The following SLC16A7 variants were observed in gnomAD, a reference collection of about 807,000 sequenced individuals.
SLC16A7 encodes the protein monocarboxylate transporter 2.
In SLC16A7, 33 loss-of-function variants were observed where a neutral mutation model predicts 34.9. That is an observed-to-expected ratio of 0.94 (90% CI 0.72 to 1.26). The LOEUF (loss-of-function observed/expected upper bound fraction) is 1.26. SLC16A7 is among the 50% of genes most tolerant of loss of function. The pLI, the probability that SLC16A7 is intolerant of heterozygous loss-of-function variation, is 0.00. For synonymous variants in SLC16A7, 201 were observed against 206.6 expected, an observed-to-expected ratio of 0.97 and a Z score of 0.23; for missense variants, 573 against 578.1, an observed-to-expected ratio of 0.99 and a Z score of 0.09.
chr12:59,709,610 G>C (rs575128283), intron 3 of SLC16A7, among the ~76,000 whole-genome samples: 1 of 151,696 alleles, frequency 6.6e-6, no homozygotes, highest in South Asian at 2.1e-4. Context: ...TTCCATTCCT[G>C]TGTTTGAGAT....
Position 59,782,467 on chromosome 12 carries a change from T to C in SLC16A7, c.*2788T>C, listed in dbSNP as rs565849263. On this transcript the variant is annotated 3_prime_UTR_variant, in exon 6 of 6. Transcript: ENST00000547379. ...CTGCAACAATTAGTATGAACATATTTCTTTCTCTAGGGAATAATAGGTTTT... is the reference window on the plus strand; with the variant it reads ...CTGCAACAATTAGTATGAACATATTCCTTTCTCTAGGGAATAATAGGTTTT... 6.6e-5 allele frequency: 10 copies of C among 152,346 alleles called. No individual in the cohort carries two copies. The highest frequency in any genetic ancestry group is 2.4e-4 in the African/African-American group (10 of 41,586). 9.4% of individuals were successfully genotyped at this position (152,346 alleles called of 1,614,324 possible).
chr12:59,675,245 A>G (rs1036608629), intron 2 of SLC16A7, among the ~76,000 whole-genome samples: 24 of 152,198 alleles, frequency 1.6e-4, no homozygotes, highest in Non-Finnish European at 5.9e-5. Context: ...TATGGGCTGA[A>G]TCTTTGTGTA....
chr12:59,680,457 A>C (rs2137071732), intron 2 of SLC16A7, among the ~76,000 whole-genome samples: 1 of 152,364 alleles, frequency 6.6e-6, no homozygotes, highest in East Asian at 1.9e-4. Flanking sequence ...GGAGGCAGAT[A>C]GGAGAGAAGG....
intron 3 of SLC16A7, among the ~76,000 whole-genome samples, chr12:59,753,846 A>G (rs1592646684): frequency 6.6e-6 from 1 of 152,192 alleles, no homozygotes; most frequent in South Asian, 2.1e-4. Context: ...AATTGACCAC[A>G]TACTTGGAAG....
chr12:59,645,029 T>C (rs1880847447), intron 1 of SLC16A7, among the ~76,000 whole-genome samples: 1 of 152,216 alleles, frequency 6.6e-6, no homozygotes, highest in Non-Finnish European at 1.5e-5. Context: ...TTGTTTTTCC[T>C]GGAGTTTCCT....
At chr12:59,669,474 G>C (rs1233396296) in intron 2 of SLC16A7, among the ~76,000 whole-genome samples, 1 of 152,094 alleles carries the variant, frequency 6.6e-6, no homozygotes, top group Non-Finnish European at 1.5e-5. Flanking sequence ...TAATAACTAA[G>C]TGCTGGTCTA....
At chr12:59,685,618 T>TA (rs1472705360) in intron 2 of SLC16A7, among the ~76,000 whole-genome samples, 1 of 152,164 alleles carries the variant, frequency 6.6e-6, no homozygotes, top group African/African-American at 2.4e-5. Flanking sequence ...TCCCACCTGC[T>TA]AGTCGTATAG....
intron 1 of SLC16A7, among the ~76,000 whole-genome samples, chr12:59,635,369 A>G (rs1055442104): frequency 6.6e-6 from 1 of 152,110 alleles, no homozygotes; most frequent in African/African-American, 2.4e-5. Context: ...TCCATTGGAA[A>G]TCTGGCTGAA....
chr12:59,761,890 T>C (rs911683734), intron 3 of SLC16A7, among the ~76,000 whole-genome samples: 5 of 152,084 alleles, frequency 3.3e-5, no homozygotes, highest in African/African-American at 9.7e-5. Flanking sequence ...CATTACAATA[T>C]TTACTAAAAG....
intron 1 of SLC16A7, among the ~76,000 whole-genome samples, chr12:59,640,527 G>A (rs17122765): frequency 0.28 from 43,195 of 151,654 alleles, 7,730 homozygotes; most frequent in East Asian, 0.66. Context: ...TTCTGAAAAA[G>A]AAAGTAGTGC....
At chr12:59,611,410 A>C (rs768807837) in intron 1 of SLC16A7, among the ~76,000 whole-genome samples, 16 of 152,228 alleles carry the variant, frequency 1.1e-4, no homozygotes, top group Non-Finnish European at 1.6e-4. Context: ...TAACTGCTTC[A>C]TGATTTAATT....
At chr12:59,741,860 G>A (rs1394537588) in intron 3 of SLC16A7, among the ~76,000 whole-genome samples, 1 of 152,158 alleles carries the variant, frequency 6.6e-6, no homozygotes, top group Non-Finnish European at 1.5e-5. Flanking sequence ...ATCCATCTGG[G>A]TCTGCAGCAA....
intron 3 of SLC16A7, among the ~76,000 whole-genome samples, chr12:59,751,052 G>A (rs1309075348): frequency 1.3e-5 from 2 of 150,676 alleles, no homozygotes; most frequent in African/African-American, 4.9e-5. Context: ...CACACACTGA[G>A]GCCTGTCGGG....
chr12:59,746,940 C>T (rs767930336), intron 3 of SLC16A7, among the ~76,000 whole-genome samples: 45 of 152,214 alleles, frequency 3.0e-4, no homozygotes, highest in Middle Eastern at 6.8e-3. Flanking sequence ...TCAGGCAATC[C>T]TCCTGCCTCA....
At chr12:59,691,624 C>G (rs886700528) in intron 2 of SLC16A7, among the ~76,000 whole-genome samples, 3 of 151,972 alleles carry the variant, frequency 2.0e-5, no homozygotes, top group Non-Finnish European at 2.9e-5. Flanking sequence ...TTTTCTCAAC[C>G]TAAGTAGTCT....
chr12:59,702,088 T>C (rs1168399876), intron 2 of SLC16A7, among the ~76,000 whole-genome samples: 11 of 151,860 alleles, frequency 7.2e-5, no homozygotes, highest in Admixed American at 7.2e-4. Flanking sequence ...TTTCTTTTTT[T>C]AATTTTCAAG....
intron 1 of SLC16A7, among the ~76,000 whole-genome samples, chr12:59,624,523 T>A (rs1457587020): frequency 1.3e-5 from 2 of 151,814 alleles, no homozygotes; most frequent in Non-Finnish European, 2.9e-5. Flanking sequence ...GAATTCCTAG[T>A]TGAGAAAGTT....
intron 3 of SLC16A7, among the ~76,000 whole-genome samples, chr12:59,762,519 T>C (rs1328925691): frequency 6.6e-6 from 1 of 152,152 alleles, no homozygotes; most frequent in Non-Finnish European, 1.5e-5. Flanking sequence ...GTAAGGGACA[T>C]ATTCAATGTA....
intron 1 of SLC16A7, among the ~76,000 whole-genome samples, chr12:59,633,939 A>G (rs1880303694): frequency 6.6e-6 from 1 of 152,094 alleles, no homozygotes; most frequent in African/African-American, 2.4e-5. Context: ...GGGGACACAG[A>G]GCCAAACCAT....
Sources: allele counts gnomAD v4.1 joint callset (sites outside exome capture counted in the v4.1 genomes callset), GRCh38; gene constraint gnomAD v4.1.1; transcripts MANE v1.5; gene names NCBI Gene and HGNC (gene_info 2026-07-23, HGNC 2026-07-21).